The following NEB variants were observed in gnomAD, a reference collection of about 807,000 sequenced individuals.
NEB encodes nemaline myopathy type 2.
A neutral mutation model predicts 952.2 loss-of-function variants in NEB; 512 were observed. The observed-to-expected ratio is 0.54, with a 90% CI of 0.50 to 0.58. The LOEUF (loss-of-function observed/expected upper bound fraction) is 0.58, where lower values mean the gene tolerates loss of function less well. NEB is among the 20% of genes least tolerant of loss of function. The pLI, the probability that NEB is intolerant of heterozygous loss-of-function variation, is 0.00. For missense variants in NEB, 8,428 were observed against 9,231.1 expected, an observed-to-expected ratio of 0.91 and a Z score of 3.56; for synonymous variants, 2,900 against 3,149.8, an observed-to-expected ratio of 0.92 and a Z score of 2.66.
chr2:151,671,161 C>T lies in NEB; in HGVS notation c.4368G>A (p.Glu1456=), dbSNP rs1354478149. ...GIGWIPIGSL[E]VEKVKKAGDA... ...CGCCTGCTTTCTTGACCTTCTCCAC[C>T]TCCAGGGAACCAATAGGGATCCATC... The change falls in exon 38 of 182, where the codon GAG becomes GAA. Residue 1456 remains glutamate, a synonymous_variant. Coordinates refer to ENST00000397345, the MANE Select transcript of NEB (RefSeq NM_001164508.2). 3 of 1,613,884 alleles carry T rather than the reference C, an allele frequency of 1.9e-6. No homozygotes were observed. Among genetic ancestry groups the T allele is most frequent in the African/African-American group, 2.7e-5 (2 of 74,924 alleles).
At chr2:151,508,200 C>G (rs1176209857) in intron 161 of NEB, 91 bp from the exon 162 acceptor site, 1 of 780,066 alleles carries the variant, frequency 1.3e-6, no homozygotes, top group African/African-American at 1.7e-5. Flanking sequence ...CCCTTCCAGG[C>G]TCAGCAGAGG....
At chr2:151,724,413 C>A in intron 7 of NEB, 49 bp from the exon 8 acceptor site, 1 of 1,404,198 alleles carries the variant, frequency 7.1e-7, no homozygotes, top group South Asian at 1.2e-5. Flanking sequence ...CACCCAAAGG[C>A]ATGAGGATTT....
At position 151,665,320 on chromosome 2, in the gene NEB, G is replaced by A. The variant is rs745875222; in HGVS notation, c.5238+13C>T. ...GAGGGTTCCCTGGGCGAGGCTGGCA[G>A]GTGAGTCCTTACCTTGTCCATGTTC... is the stretch of plus-strand genomic sequence containing the variant. On this transcript the variant is annotated intron_variant, in intron 42 of 181. Transcript: ENST00000397345. 4.3e-6 allele frequency: 7 copies of A among 1,612,618 alleles called. No homozygotes were observed. In the African/African-American group the frequency reaches 6.7e-5, roughly 15 times the overall value.
chr2:151,655,181 A>C (rs1016209025), intron 51 of NEB, 89 bp downstream of exon 51: 5 of 779,466 alleles, frequency 6.4e-6, no homozygotes, highest in Non-Finnish European at 9.8e-6. Context: ...CCATTGCTTC[A>C]ACATTTATAT....
chr2:151,657,538 T>C (rs1394960667), intron 48 of NEB, among the ~76,000 whole-genome samples: 1 of 152,192 alleles, frequency 6.6e-6, no homozygotes, highest in African/African-American at 2.4e-5. Flanking sequence ...ACCGATAGTT[T>C]AACAACTGGT....
At position 151,496,354 on chromosome 2, in the gene NEB, T is replaced by G. The variant is rs1462319238; in HGVS notation, c.24408A>C (p.Glu8136Asp). Residue 8136 changes from glutamate (E) to aspartate (D), a missense_variant, in exon 173 of 182, where the codon GAA becomes GAC. Around this residue, in one of 11 missense-constraint regions of NEB, gnomAD observed 3,374 missense variants for 3,651.5 expected, o/e 0.92. Transcript: ENST00000397345. ...CTAAAGGAGTTCCCTTGCCCATGTT[T>G]TCTTTGTATAACACCTGTGCGATGA... ...QENISSVLYK[E>D]NMGKGTPLAV... 2 of 1,609,792 alleles carry G rather than the reference T, an allele frequency of 1.2e-6. No homozygotes were observed. The highest frequency in any genetic ancestry group is 2.7e-5 in the African/African-American group (2 of 74,860).
Position 151,664,604 on chromosome 2 carries a change from A to G in NEB, c.5348T>C (p.Leu1783Pro). The G allele has an allele frequency of 6.2e-7, 1 of 1,600,896 alleles. No individual in the cohort carries two copies. The highest frequency in any genetic ancestry group is 1.1e-5 in the South Asian group (1 of 88,698). Residue 1783 changes from leucine (L) to proline (P), a missense_variant, in exon 44 of 182, where the codon CTG (leucine) becomes CCG (proline). By Grantham distance (98) the Leu-to-Pro change is moderately conservative (BLOSUM62 -3). Transcript: ENST00000397345. ...TTCCTCTTCCCAGCCAGCTTTGTACAGTTTCTAAACAATAAAATAGAAAAA... is the reference window on the plus strand; with the variant it reads ...TTCCTCTTCCCAGCCAGCTTTGTACGGTTTCTAAACAATAAAATAGAAAAA... The part of the protein sequence containing the change: ...RVNQITMSDK[L>P]YKAGWEEEKK...
chr2:151,721,662 G>A (rs192047179), intron 9 of NEB, among the ~76,000 whole-genome samples: 10 of 152,228 alleles, frequency 6.6e-5, no homozygotes, highest in Admixed American at 5.9e-4. Flanking sequence ...ATTCTAAGAG[G>A]AAAGGATGAA....
At chr2:151,657,204 T>C (rs1229858810) in intron 48 of NEB, among the ~76,000 whole-genome samples, 1 of 152,018 alleles carries the variant, frequency 6.6e-6, no homozygotes, top group Non-Finnish European at 1.5e-5. Flanking sequence ...GTTCTCAGGA[T>C]AATAAGAGAG....
chr2:151,508,057 A>AAAAC lies in NEB; in HGVS notation c.23395_23398dup (p.Leu7800CysfsTer25), dbSNP rs1057515574. 4 of 1,611,164 alleles carry AAAAC rather than the reference A, an allele frequency of 2.5e-6. No individual in the cohort carries two copies. Reference sequence around the variant, plus strand: ...GACTCTCTGTATCTCTGGGGTGTCCAAAACAGTCTCATAATACGACATGGA... The same window carrying AAAAC: ...GACTCTCTGTATCTCTGGGGTGTCCAAAACAAACAGTCTCATAATACGACATGGA... On this transcript the variant is annotated frameshift_variant, in exon 162 of 182. Coordinates refer to ENST00000397345, the MANE Select transcript of NEB (RefSeq NM_001164508.2). LOFTEE classifies it high-confidence loss of function.
chr2:151,566,722 G>A (rs932152216), intron 114 of NEB, among the ~76,000 whole-genome samples: 31 of 152,126 alleles, frequency 2.0e-4, no homozygotes, highest in Admixed American at 3.9e-4. Context: ...TTTGCTTTGC[G>A]AACAACTTCA....
chr2:151,619,341 A>T, intron 73 of NEB, 110 bp downstream of exon 73: 1 of 1,186,884 alleles, frequency 8.4e-7, no homozygotes, highest in Non-Finnish European at 1.2e-6. Flanking sequence ...ATTTAATTGT[A>T]AATTGTTTGA....
At chr2:151,722,695 C>G (rs1270055109) in intron 9 of NEB, among the ~76,000 whole-genome samples, 1 of 152,046 alleles carries the variant, frequency 6.6e-6, no homozygotes, top group Non-Finnish European at 1.5e-5. Flanking sequence ...AGGCATGCAC[C>G]CCCACACTTG....
At chr2:151,497,805 C>T (rs2061306467) in intron 170 of NEB, 87 bp from the exon 171 acceptor site, 35 of 1,537,388 alleles carry the variant, frequency 2.3e-5, no homozygotes, top group Non-Finnish European at 3.0e-5. Flanking sequence ...AAAACACAGT[C>T]ATCCAAGGAG....
In NEB at chr2:151,524,366, A is replaced by G. The variant is rs763847324; in HGVS notation, c.22424T>C (p.Met7475Thr). Residue 7475 changes from methionine (M) to threonine (T), a missense_variant, in exon 153 of 182, where the codon ATG becomes ACG. This residue lies in a region of NEB where 3,374 missense variants were observed against 3,651.5 expected (regional missense o/e 0.92). Coordinates refer to ENST00000397345, the MANE Select transcript of NEB (RefSeq NM_001164508.2). ...HRKEGSHGLS[M>T]LGRPDIEMAK... ...CATTTCTATGTCTGGGCGACCGAGC[A>G]TGCTTAAGCCATGGCTGCCTTCCTT... The G allele has an allele frequency of 1.2e-6, 2 of 1,613,984 alleles. No individual in the cohort carries two copies.
intron 150 of NEB, among the ~76,000 whole-genome samples, chr2:151,525,498 G>A (rs2085184173): frequency 6.6e-6 from 1 of 152,146 alleles, no homozygotes; most frequent in Non-Finnish European, 1.5e-5. Flanking sequence ...GGCAAATTAA[G>A]CTCTTTTATT....
intron 10 of NEB, among the ~76,000 whole-genome samples, chr2:151,712,679 T>C (rs1175291225): frequency 1.3e-5 from 2 of 151,768 alleles, no homozygotes; most frequent in African/African-American, 4.8e-5. Flanking sequence ...CATTTGTGAG[T>C]AGGAGAGAAT....
At position 151,496,976 on chromosome 2, in the gene NEB, C is replaced by A; in HGVS notation, c.24358G>T (p.Glu8120Ter). 1.9e-6 allele frequency: 3 copies of A among 1,581,358 alleles called. No individual in the cohort carries two copies. Among genetic ancestry groups the A allele is most frequent in the African/African-American group, 1.3e-5 (1 of 74,462 alleles). The change falls in exon 172 of 182, where the codon GAG becomes TAG. Residue 8120 changes from glutamate to a stop codon, truncating the protein, a stop_gained. Coordinates refer to ENST00000397345, the MANE Select transcript of NEB (RefSeq NM_001164508.2). LOFTEE classifies it high-confidence loss of function. ...GTPLPVTPEM[E>*]RVKHNQENIS... Reference sequence around the variant, plus strand: ...TTTTCTTGATTGTGTTTGACTCTCTCCATCTCAGGAGTGACAGGTAGAGGG... The same window carrying A: ...TTTTCTTGATTGTGTTTGACTCTCTACATCTCAGGAGTGACAGGTAGAGGG...
Position 151,612,310 on chromosome 2 carries a change from T to C in NEB, c.11681A>G (p.Lys3894Arg). The change falls in exon 78 of 182, where the codon AAG (lysine) becomes AGG (arginine). Residue 3894 changes from lysine to arginine, a missense_variant. Coordinates refer to ENST00000397345, the MANE Select transcript of NEB (RefSeq NM_001164508.2). Reference protein sequence around the residue: ...PIGSVEVEKVKRAGEILSDRK... With the variant: ...PIGSVEVEKVRRAGEILSDRK... ...GTCACTCAGGATTTCTCCAGCTCTC[T>C]TCACTTTCTCGACCTCTACAGAGCC... 1 of 1,613,874 alleles carries C rather than the reference T, an allele frequency of 6.2e-7. No homozygotes were observed. Among genetic ancestry groups the C allele is most frequent in the Non-Finnish European group, 8.5e-7 (1 of 1,179,834 alleles).
Sources: gnomAD v4.1 joint callset for allele counts (sites outside exome capture counted in the v4.1 genomes callset) on GRCh38, gnomAD v4.1.1 for gene constraint, gnomAD v4.1.1 regional missense constraint, MANE v1.5 for transcripts, NCBI Gene and HGNC (gene_info 2026-07-23, HGNC 2026-07-21) for gene names.